Variants in SEMA4G observed in about 807,000 individuals in gnomAD.
SEMA4G encodes semaphorin 4G.
SEMA4G carries 59 observed loss-of-function variants against 81.2 expected under a neutral mutation model. That is an observed-to-expected ratio of 0.73 (90% CI 0.59 to 0.90). SEMA4G has a LOEUF of 0.90. Ranked by LOEUF, SEMA4G falls within the 40% of genes least tolerant of loss-of-function variation. The probability of loss-of-function intolerance (pLI) is 0.00; values close to 1 mark genes in which losing one functional copy is unlikely to be tolerated. For synonymous variants in SEMA4G, 404 were observed against 433.9 expected (o/e 0.93, Z 0.86); for missense variants, 952 against 1,102.3 (o/e 0.86, Z 1.93).
chr10:100,984,861 CCCCA>C (rs1188248769), downstream of SEMA4G: 99 of 1,491,704 alleles, frequency 6.6e-5, 2 homozygotes, highest in East Asian at 9.9e-4. Flanking sequence ...GAATCAGCCT[CCCCA>C]CTCTCCTTGG....
intron 7 of SEMA4G, 24 bp from the exon 9 acceptor site, chr10:100,979,078 T>C: frequency 6.2e-7 from 1 of 1,613,524 alleles, no homozygotes; most frequent in Non-Finnish European, 8.5e-7. Context: ...CCTGGCCCCT[T>C]ATCCCGTGCC....
chr10:100,973,008 C>T lies in SEMA4G; in HGVS notation c.96C>T (p.Ala32=), dbSNP rs1159955320. 1 of 1,614,124 alleles carries T rather than the reference C, an allele frequency of 6.2e-7. No individual in the cohort carries two copies. Among genetic ancestry groups the T allele is most frequent in the Admixed American group, 1.7e-5 (1 of 60,020 alleles). The change falls in exon 1 of 14, where the codon GCC becomes GCT. Residue 32 remains alanine, a synonymous_variant. Coordinates refer to ENST00000370250, the Ensembl canonical transcript of SEMA4G. This position sits in a 1 kb window ranked among gnomAD's most constrained non-coding sequence, Gnocchi z 5.5. Reference sequence around the variant, plus strand: ...GGAGACCGTCTAGAGAACTAGATGCCACCCCTCGGATGACCATACCCTATG... The same window carrying T: ...GGAGACCGTCTAGAGAACTAGATGCTACCCCTCGGATGACCATACCCTATG...
At chr10:100,985,074 T>A, downstream of SEMA4G, 1 of 638,694 alleles carries the variant, frequency 1.6e-6, no homozygotes. Flanking sequence ...TTAACTGTCC[T>A]CACAGGCCCT....
intron 3 of SEMA4G, among the ~76,000 whole-genome samples, chr10:100,977,156 T>A (rs1213147441): frequency 6.6e-6 from 1 of 152,106 alleles, no homozygotes; most frequent in Non-Finnish European, 1.5e-5. Flanking sequence ...GAGGAGGGGA[T>A]GAACTTGGCT....
chr10:100,978,267 C>T (rs772096343), intron 4 of SEMA4G, 28 bp from the exon 6 acceptor site: 2 of 1,577,278 alleles, frequency 1.3e-6, no homozygotes, highest in Non-Finnish European at 1.7e-6. Context: ...TCTTCGGAAC[C>T]ACTTACTGCT....
chr10:100,982,192 A>T (rs2133894495), intron 13 of SEMA4G, among the ~76,000 whole-genome samples: 1 of 152,004 alleles, frequency 6.6e-6, no homozygotes, highest in Non-Finnish European at 1.5e-5. Flanking sequence ...GACATGGGGT[A>T]ATGGGGTGAC....
chr10:100,981,373 GAGTAAGTGCTCAACAA>G, intron 13 of SEMA4G, 144 bp downstream of exon 14: 1 of 1,608,404 alleles, frequency 6.2e-7, no homozygotes, highest in South Asian at 1.1e-5. Context: ...GCCTGGCACA[GAGTAAGTGCTCAACAA>G]ACATTTACTG....
rs1396115412 is a variant in SEMA4G at position 100,981,167 on chromosome 10, G to A, written c.1629-1G>A. The A allele has an allele frequency of 1.9e-6, 3 of 1,614,250 alleles. No homozygotes were observed. The highest frequency in any genetic ancestry group is 1.7e-5 in the Admixed American group (1 of 60,034). On this transcript the variant is annotated splice_acceptor_variant, in intron 12 of 13. Coordinates refer to ENST00000370250, the Ensembl canonical transcript of SEMA4G. LOFTEE classifies it high-confidence loss of function. Reference sequence around the variant, plus strand: ...TCATAAAACCTGATCTTCTGTCCCAGGACAGCACTGATACAGGACATAGAG... The same window carrying A: ...TCATAAAACCTGATCTTCTGTCCCAAGACAGCACTGATACAGGACATAGAG...
chr10:100,972,822 C>T, exon 1 of SEMA4G: 7 of 1,420,836 alleles, frequency 4.9e-6, no homozygotes, highest in Non-Finnish European at 6.7e-6. Context: ...TGGACTTTGA[C>T]CCCTGTGACT....
exon 14 of SEMA4G, chr10:100,984,385 C>T (rs1478564784): frequency 2.1e-6 from 3 of 1,451,486 alleles, no homozygotes; most frequent in Admixed American, 5.1e-5. Flanking sequence ...ATCAGGTGCC[C>T]TGCAGACCCA....
At chr10:100,978,898 A>C (rs765335147) in exon 7 of SEMA4G, 2 of 1,614,196 alleles carry the variant, frequency 1.2e-6, no homozygotes, top group Admixed American at 3.3e-5. Context: ...AGGCCAGTGC[A>C]GTGGGTGATG....
exon 14 of SEMA4G, chr10:100,984,825 C>T: frequency 6.6e-7 from 1 of 1,523,924 alleles, no homozygotes; most frequent in East Asian, 2.5e-5. Context: ...TCACTCCCCT[C>T]CTCTCCCTTC....
At chr10:100,983,205 T>C in intron 13 of SEMA4G, 100 bp from the exon 15 acceptor site, 1 of 1,344,440 alleles carries the variant, frequency 7.4e-7, no homozygotes, top group Non-Finnish European at 9.9e-7. Context: ...TTCTGGGTTC[T>C]GTGCTTGGTG....
In SEMA4G at chr10:100,983,898, G is replaced by GGGCC; in HGVS notation, c.2284_2285insGGCC (p.Ala762GlyfsTer16). 3.6e-5 allele frequency: 55 copies of GGGCC among 1,523,006 alleles called. No homozygotes were observed. The highest frequency in any genetic ancestry group is 2.4e-4 in the Middle Eastern group (1 of 4,222). The allele number at this position is 1,523,006 out of a possible 1,614,324, so 94.3% of individuals were successfully genotyped here. A position where few individuals can be genotyped will look rare whatever the true frequency, so the allele number is the denominator to read the frequency against. On this transcript the variant is annotated frameshift_variant, in exon 14 of 14. Coordinates refer to ENST00000370250, the Ensembl canonical transcript of SEMA4G. LOFTEE classifies it high-confidence loss of function. The stretch of plus-strand genomic sequence containing the variant: ...TCTCCAGATCATCCCTGGGGAGGGA[G>GGGCC]CCCCAGCCCCACCACCCCCACCGCC...
chr10:100,984,911 A>G, downstream of SEMA4G: 1 of 1,453,756 alleles, frequency 6.9e-7, no homozygotes, highest in Non-Finnish European at 9.1e-7. Context: ...AGCTCCAGGC[A>G]TGTCCCATCC....
chr10:100,984,495 G>A (rs1358850075), exon 14 of SEMA4G: 1 of 1,533,940 alleles, frequency 6.5e-7, no homozygotes, highest in Non-Finnish European at 8.7e-7. Flanking sequence ...CCCAGGCAGG[G>A]CTCTGCAGGT....
intron 13 of SEMA4G, 154 bp downstream of exon 14, chr10:100,981,383 T>C: frequency 6.2e-7 from 1 of 1,611,984 alleles, no homozygotes; most frequent in Admixed American, 1.7e-5. Context: ...GAGTAAGTGC[T>C]CAACAAACAT....
At chr10:100,971,790 G>A (rs914603771), upstream of SEMA4G, among the ~76,000 whole-genome samples, 6 of 152,182 alleles carry the variant, frequency 3.9e-5, no homozygotes, top group Non-Finnish European at 8.8e-5. Flanking sequence ...GTCGGGAGGG[G>A]CCAAGGGCTC....
At chr10:100,984,818 C>T in exon 14 of SEMA4G, 1 of 1,526,818 alleles carries the variant, frequency 6.5e-7, no homozygotes, top group Non-Finnish European at 8.8e-7. Flanking sequence ...GACTGCATCA[C>T]TCCCCTCCTC....
Sources: gnomAD v4.1 joint callset for allele counts (sites outside exome capture counted in the v4.1 genomes callset) on GRCh38, gnomAD v4.1.1 for gene constraint, Gnocchi (gnomAD v3.1) non-coding constraint, MANE v1.5 for transcripts, NCBI Gene and HGNC (gene_info 2026-07-23, HGNC 2026-07-21) for gene names.